The following PTPRB variants were observed in gnomAD, a reference collection of about 807,000 sequenced individuals.
PTPRB encodes the protein protein tyrosine phosphatase receptor type B, also known as receptor-type tyrosine-protein phosphatase beta.
PTPRB carries 97 observed loss-of-function variants against 238.1 expected under a neutral mutation model. The observed-to-expected ratio is 0.41, with a 90% CI of 0.35 to 0.48. The LOEUF is 0.48. Among genes scored for constraint, PTPRB ranks in the 20% least tolerant of loss-of-function variants. The pLI, the probability that PTPRB is intolerant of heterozygous loss-of-function variation, is 0.30. For synonymous variants in PTPRB, 970 were observed against 995.4 expected (o/e 0.97, Z 0.48); for missense variants, 2,292 against 2,681.9 (o/e 0.85, Z 3.21).
intron 3 of PTPRB, among the ~76,000 whole-genome samples, chr12:70,621,111 T>G (rs1475853577): frequency 6.6e-6 from 1 of 152,220 alleles, no homozygotes; most frequent in Non-Finnish European, 1.5e-5. Flanking sequence ...GAGAGCACAG[T>G]GCCAGCTGAT....
At position 70,609,225 on chromosome 12, in the gene PTPRB, T is replaced by C; in HGVS notation, c.823A>G (p.Ile275Val). The C allele has an allele frequency of 2.5e-6, 4 of 1,614,056 alleles. No individual in the cohort carries two copies. Among genetic ancestry groups the C allele is most frequent in the Non-Finnish European group, 3.4e-6 (4 of 1,179,898 alleles). ...GCCCCCAGGGTGTCACTGCTATAGA[T>C]GAGGCTAAAGTTACAGGGTGAGCCC... The part of the protein sequence containing the change: ...ILGSPCNFSL[I>V]YSSDTLGAAL... Residue 275 changes from isoleucine to valine, a missense_variant, in exon 4 of 34, where the codon ATC (isoleucine) becomes GTC (valine). Physicochemically the swap from Ile to Val is conservative, Grantham distance 29. This residue lies in a region of PTPRB where 1,205 missense variants were observed against 1,287.8 expected (regional missense o/e 0.94). Coordinates refer to ENST00000334414, the MANE Select transcript of PTPRB (RefSeq NM_001109754.4).
chr12:70,631,883 C>T (rs1287341144), intron 2 of PTPRB, among the ~76,000 whole-genome samples: 2 of 152,140 alleles, frequency 1.3e-5, no homozygotes, highest in East Asian at 3.8e-4. Context: ...CAATGAGATA[C>T]CATCTCTTGC....
intron 32 of PTPRB, among the ~76,000 whole-genome samples, chr12:70,525,854 G>A (rs1316383715): frequency 6.6e-6 from 1 of 152,220 alleles, no homozygotes; most frequent in Non-Finnish European, 1.5e-5. Context: ...GGGGATCCCA[G>A]TTTCCCCACT....
At chr12:70,611,932 T>C (rs1004450406) in intron 3 of PTPRB, among the ~76,000 whole-genome samples, 1 of 152,234 alleles carries the variant, frequency 6.6e-6, no homozygotes, top group Non-Finnish European at 1.5e-5. Flanking sequence ...CCACAGATAC[T>C]GCAAGCCTTC....
chr12:70,579,220 G>C (rs1461556566), intron 10 of PTPRB, among the ~76,000 whole-genome samples: 1 of 152,152 alleles, frequency 6.6e-6, no homozygotes, highest in Admixed American at 6.5e-5. Flanking sequence ...GGGTAGGAGT[G>C]AATTATTGTG....
Position 70,581,054 on chromosome 12 carries a change from C to T in PTPRB, c.2560G>A (p.Val854Ile), listed in dbSNP as rs779085187. The change falls in exon 10 of 34, where the codon GTT (valine) becomes ATT (isoleucine). Residue 854 changes from valine (V) to isoleucine (I), a missense_variant. Transcript: ENST00000334414. Reference sequence around the variant, plus strand: ...TTCTTACCTGTTCTTCCCTCCACAACCACTTGTCGGGAAGAGATCCCTCCA... The same window carrying T: ...TTCTTACCTGTTCTTCCCTCCACAATCACTTGTCGGGAAGAGATCCCTCCA... The part of the protein sequence containing the change: ...VSGGISSRQV[V>I]VEGRTVPSSV... 4 of 1,613,802 alleles carry T rather than the reference C, an allele frequency of 2.5e-6. No individual in the cohort carries two copies. The highest frequency in any genetic ancestry group is 1.7e-5 in the Admixed American group (1 of 59,988).
At chr12:70,542,590 AT>A (rs367550964) in intron 22 of PTPRB, 16,384 of 101,212 alleles carry the variant, frequency 0.16, 1,442 homozygotes, top group African/African-American at 0.3. Context: ...AAAAAAAAAA[AT>A]ATATATATAT....
intron 5 of PTPRB, among the ~76,000 whole-genome samples, chr12:70,595,178 T>C (rs1322897981): frequency 6.6e-6 from 1 of 152,134 alleles, no homozygotes; most frequent in Non-Finnish European, 1.5e-5. Context: ...AACCATCATT[T>C]TCAGCAAACT....
Position 70,559,461 on chromosome 12 carries a change from T to G in PTPRB, c.4596A>C (p.Ser1532=), listed in dbSNP as rs778684826. Residue 1532 remains serine (S), a synonymous_variant, in exon 18 of 34, where the codon TCA becomes TCC. Coordinates refer to ENST00000334414, the MANE Select transcript of PTPRB (RefSeq NM_001109754.4). ...GAAGACCATACACAATGCGTCCTTC[T>G]GATTTTCTGTTGTTGTAGGGGTTGA... The part of the protein sequence containing the change: ...TVFNPYNNRK[S]EGRIVYGLRP... 1.2e-5 allele frequency: 19 copies of G among 1,614,022 alleles called. No individual in the cohort carries two copies. The Admixed American group carries it at 1.7e-4, about 14-fold the overall frequency.
At chr12:70,528,101 A>G (rs1420358581) in intron 32 of PTPRB, among the ~76,000 whole-genome samples, 1 of 152,218 alleles carries the variant, frequency 6.6e-6, no homozygotes, top group Non-Finnish European at 1.5e-5. Flanking sequence ...AGCATTTGGA[A>G]TTTTGTTTGA....
intron 9 of PTPRB, among the ~76,000 whole-genome samples, chr12:70,586,794 A>G (rs925226769): frequency 3.3e-5 from 5 of 152,214 alleles, no homozygotes; most frequent in Non-Finnish European, 2.9e-5. Context: ...CTCTTTTTCA[A>G]GTTTAGCAAA....
At chr12:70,632,840 T>A (rs1051255267) in intron 2 of PTPRB, among the ~76,000 whole-genome samples, 2 of 152,190 alleles carry the variant, frequency 1.3e-5, no homozygotes, top group African/African-American at 4.8e-5. Context: ...TACTCTAGTA[T>A]TAGTTAAAAG....
In PTPRB at chr12:70,590,148, G is replaced by A. The variant is rs1882333589; in HGVS notation, c.1866C>T (p.Asp622=). The A allele has an allele frequency of 1.2e-6, 2 of 1,613,420 alleles. No individual in the cohort carries two copies. Among genetic ancestry groups the A allele is most frequent in the South Asian group, 2.2e-5 (2 of 90,960 alleles). The change falls in exon 8 of 34, where the codon GAC becomes GAT. Residue 622 remains aspartate, a synonymous_variant. Transcript: ENST00000334414. ...LVVSWSPPAG[D]WEQYRILLFN... is the part of the protein sequence containing the mutation. ...AGAGTAGGATCCGATACTGCTCCCA[G>A]TCTCCAGCAGGGGGCGACCAGCTCA...
intron 2 of PTPRB, 84 bp from the exon 3 acceptor site, chr12:70,622,730 A>G (rs1348854648): frequency 7.0e-7 from 1 of 1,434,348 alleles, no homozygotes; most frequent in Admixed American, 2.6e-5. Context: ...TTAGCAAAAG[A>G]GGGCCTTTTC....
intron 14 of PTPRB, 31 bp from the exon 15 acceptor site, chr12:70,566,735 C>T (rs778422702): frequency 6.3e-7 from 1 of 1,598,976 alleles, no homozygotes; most frequent in Non-Finnish European, 8.5e-7. Flanking sequence ...CAACAAAATA[C>T]AGATTTTATC....
chr12:70,630,240 C>T (rs1885387311), intron 2 of PTPRB, among the ~76,000 whole-genome samples: 1 of 152,272 alleles, frequency 6.6e-6, no homozygotes. Flanking sequence ...CAGCTTCATC[C>T]CTGGGATGCA....
chr12:70,557,437 C>A (rs1877865281), intron 18 of PTPRB, among the ~76,000 whole-genome samples: 1 of 152,192 alleles, frequency 6.6e-6, no homozygotes, highest in Non-Finnish European at 1.5e-5. Context: ...CATAATCATT[C>A]CTCATGAAAC....
intron 20 of PTPRB, among the ~76,000 whole-genome samples, 171 bp downstream of exon 20, chr12:70,554,989 T>C (rs1877435518): frequency 6.6e-6 from 1 of 152,194 alleles, no homozygotes; most frequent in Admixed American, 6.5e-5. Flanking sequence ...CAAAGAGCCT[T>C]TGAGCAGCTT....
intron 2 of PTPRB, among the ~76,000 whole-genome samples, chr12:70,631,854 G>A (rs1276982284): frequency 6.6e-6 from 1 of 152,214 alleles, no homozygotes; most frequent in Non-Finnish European, 1.5e-5. Context: ...GGTCATCAGA[G>A]AAATGCAAAT....
Sources: gnomAD v4.1 joint callset for allele counts (sites outside exome capture counted in the v4.1 genomes callset) on GRCh38, gnomAD v4.1.1 for gene constraint, gnomAD v4.1.1 regional missense constraint, MANE v1.5 for transcripts, NCBI Gene and HGNC (gene_info 2026-07-23, HGNC 2026-07-21) for gene names.